The following IGSF5 variants were observed in gnomAD, a reference collection of about 807,000 sequenced individuals.
The protein encoded by IGSF5 is immunoglobulin superfamily member 5.
Under a neutral mutation model 39.4 loss-of-function variants are expected in IGSF5, and 41 were observed. The observed-to-expected ratio is 1.04, with a 90% CI of 0.81 to 1.35. The LOEUF (loss-of-function observed/expected upper bound fraction) is 1.35. Among genes scored for constraint, IGSF5 ranks in the 40% most tolerant of loss-of-function variants. The probability of loss-of-function intolerance (pLI) is 0.00; values close to 1 mark genes in which losing one functional copy is unlikely to be tolerated. For synonymous variants in IGSF5, 183 were observed against 175.3 expected, an observed-to-expected ratio of 1.04 and a Z score of -0.34; for missense variants, 487 against 494.6, an observed-to-expected ratio of 0.98 and a Z score of 0.15.
intron 4 of IGSF5, among the ~76,000 whole-genome samples, chr21:39,773,908 T>G (rs149152151): frequency 1.2e-4 from 19 of 152,130 alleles, no homozygotes; most frequent in African/African-American, 1.7e-4. Flanking sequence ...CTTAGAGAGA[T>G]AGATTTTAGA....
At chr21:39,721,872 C>T in the IGSF5 span, among the ~76,000 whole-genome samples, 1 of 152,046 alleles carries the variant, frequency 6.6e-6, no homozygotes, top group East Asian at 1.9e-4. Context: ...AAGGTCATAC[C>T]CATTAAAAAA....
At chr21:39,771,791 C>T (rs2080115998) in intron 4 of IGSF5, among the ~76,000 whole-genome samples, 1 of 152,244 alleles carries the variant, frequency 6.6e-6, no homozygotes. Flanking sequence ...GTACCAGACA[C>T]TCTAACCACA....
At chr21:39,757,572 G>A (rs950473934) in intron 2 of IGSF5, among the ~76,000 whole-genome samples, 12 of 148,722 alleles carry the variant, frequency 8.1e-5, no homozygotes, top group African/African-American at 2.8e-4. Context: ...ACTCAGAAAT[G>A]TGCATTCTTT....
At chr21:39,735,335 A>C in the IGSF5 span, among the ~76,000 whole-genome samples, 1 of 152,198 alleles carries the variant, frequency 6.6e-6, no homozygotes, top group Admixed American at 6.5e-5. Context: ...GAAAATCATA[A>C]AAGTTAGTCA....
At chr21:39,756,074 G>A (rs1167832937) in intron 2 of IGSF5, among the ~76,000 whole-genome samples, 2 of 150,660 alleles carry the variant, frequency 1.3e-5, no homozygotes, top group Admixed American at 6.7e-5. Flanking sequence ...CTGGGCAACA[G>A]AGCGGGACTC....
the IGSF5 span, among the ~76,000 whole-genome samples, chr21:39,726,798 A>G: frequency 0.024 from 3,629 of 152,252 alleles, 154 homozygotes; most frequent in East Asian, 0.12. Context: ...GAGGAATGAC[A>G]TCTCAAACAG....
intron 2 of IGSF5, among the ~76,000 whole-genome samples, chr21:39,756,117 A>G (rs954179934): frequency 3.0e-4 from 45 of 152,024 alleles, no homozygotes; most frequent in Admixed American, 1.9e-3. Flanking sequence ...AAACAAACAA[A>G]CAAACGAAAG....
Position 39,801,355 on chromosome 21 carries a change from T to G in IGSF5, c.1222T>G (p.Ter408GluextTer37). ...GAAGGTCAGTAATACAACTGTAGTA[T>G]AGCAAAGCCTTCCCCAAGCTCCACT... ...PEKVSNTTVV[*>E] is the part of the protein sequence containing the mutation. Residue 408 changes from the stop codon to glutamate, a stop_lost, in exon 9 of 9, where the codon TAG (stop) becomes GAG (glutamate). Coordinates refer to ENST00000380588, the MANE Select transcript of IGSF5 (RefSeq NM_001080444.2). 6.2e-7 allele frequency: 1 copy of G among 1,608,848 alleles called. No homozygotes were observed. Among genetic ancestry groups the G allele is most frequent in the Middle Eastern group, 1.7e-4 (1 of 6,056 alleles).
the IGSF5 span, among the ~76,000 whole-genome samples, chr21:39,739,905 G>T: frequency 6.6e-6 from 1 of 152,088 alleles, no homozygotes; most frequent in Non-Finnish European, 1.5e-5. Context: ...TATGGCCTGG[G>T]GATACTTCTT....
the IGSF5 span, among the ~76,000 whole-genome samples, chr21:39,725,423 C>T: frequency 3.9e-5 from 6 of 152,304 alleles, no homozygotes; most frequent in Non-Finnish European, 7.3e-5. Flanking sequence ...TTTCTTCTAA[C>T]ATTATAGACA....
chr21:39,725,286 G>A, the IGSF5 span, among the ~76,000 whole-genome samples: 4 of 152,226 alleles, frequency 2.6e-5, no homozygotes, highest in East Asian at 1.9e-4. Context: ...GTTGTAAAAC[G>A]TGGCTAATGT....
chr21:39,713,985 G>T, the IGSF5 span, among the ~76,000 whole-genome samples: 5 of 152,218 alleles, frequency 3.3e-5, no homozygotes, highest in African/African-American at 1.2e-4. Flanking sequence ...ACAAGGTCCC[G>T]GTCTTTTCAG....
At chr21:39,786,277 C>T (rs1398118650) in intron 5 of IGSF5, among the ~76,000 whole-genome samples, 1 of 151,916 alleles carries the variant, frequency 6.6e-6, no homozygotes, top group Non-Finnish European at 1.5e-5. Flanking sequence ...AACAAACAAC[C>T]CTATCAAAAA....
the IGSF5 span, among the ~76,000 whole-genome samples, chr21:39,723,952 G>A: frequency 3.3e-5 from 5 of 152,038 alleles, no homozygotes; most frequent in African/African-American, 1.2e-4. Context: ...TTCAAGACAA[G>A]CCTGGCTAAC....
At chr21:39,756,868 G>T (rs1365175988) in intron 2 of IGSF5, among the ~76,000 whole-genome samples, 1 of 151,976 alleles carries the variant, frequency 6.6e-6, no homozygotes, top group East Asian at 1.9e-4. Flanking sequence ...GAACAAAGGG[G>T]GTTGGAAGGA....
intron 2 of IGSF5, among the ~76,000 whole-genome samples, chr21:39,751,841 C>T (rs2080007225): frequency 6.6e-6 from 1 of 152,018 alleles, no homozygotes; most frequent in Non-Finnish European, 1.5e-5. Context: ...GTAGAATTCT[C>T]CCAAAGTCTC....
chr21:39,742,923 G>C (rs974807229), upstream of IGSF5, among the ~76,000 whole-genome samples: 2 of 152,174 alleles, frequency 1.3e-5, no homozygotes, highest in Non-Finnish European at 2.9e-5. Context: ...AATGTCTGCA[G>C]CTGACTGAGT....
At chr21:39,777,050 G>A (rs1292147150) in intron 4 of IGSF5, among the ~76,000 whole-genome samples, 1 of 152,218 alleles carries the variant, frequency 6.6e-6, no homozygotes, top group Non-Finnish European at 1.5e-5. Flanking sequence ...TTATTGGTAA[G>A]TGAGCCAGAA....
At chr21:39,732,602 A>G in the IGSF5 span, among the ~76,000 whole-genome samples, 8 of 152,256 alleles carry the variant, frequency 5.3e-5, no homozygotes, top group African/African-American at 1.9e-4. Context: ...GAAATAAGCT[A>G]TCTCTGACAC....
Sources: allele counts gnomAD v4.1 joint callset (sites outside exome capture counted in the v4.1 genomes callset), GRCh38; gene constraint gnomAD v4.1.1; transcripts MANE v1.5; gene names NCBI Gene and HGNC (gene_info 2026-07-23, HGNC 2026-07-21).